Variants in SORL1-AS1 observed in about 807,000 individuals in gnomAD.
The protein encoded by SORL1-AS1 is lncRNA 51 A.
chr11:121,451,038 T>C (rs1374905047), intron 1 of SORL1-AS1, among the ~76,000 whole-genome samples: 1 of 152,084 alleles, frequency 6.6e-6, no homozygotes, highest in Admixed American at 6.6e-5. Flanking sequence ...TTGTCGGAGA[T>C]GAGGAATGTT....
Position 121,452,397 on chromosome 11 carries a change from G to A in SORL1-AS1, n.339+278C>T. On this transcript the variant is annotated intron_variant and non_coding_transcript_variant, in intron 1 of 1. Coordinates refer to ENST00000501964, the Ensembl canonical transcript of SORL1-AS1. This position sits in a 1 kb window ranked among gnomAD's most constrained non-coding sequence, Gnocchi z 5.3. ...TCCTATTCACCCTGGTCGCACTGCT[G>A]CCGCCCGGAGCTCTCTGCGAAGTCT... The A allele has an allele frequency of 1.3e-6, 2 of 1,535,202 alleles. No individual in the cohort carries two copies. Among genetic ancestry groups the A allele is most frequent in the East Asian group, 2.7e-5 (1 of 37,414 alleles).
chr11:121,452,523 G>C lies in SORL1-AS1; in HGVS notation n.339+152C>G. ...GCGAGCTGCGGCTGTGGGCGCGCGGGGATGCCAGGGGGGCGAGCCGCGCGG... is the reference window on the plus strand; with the variant it reads ...GCGAGCTGCGGCTGTGGGCGCGCGGCGATGCCAGGGGGGCGAGCCGCGCGG... On this transcript the variant is annotated intron_variant and non_coding_transcript_variant, in intron 1 of 1. Transcript: ENST00000501964. The surrounding 1 kb of genome is among the most constrained non-coding windows in gnomAD (Gnocchi z 5.3). 1 of 1,480,048 alleles carries C rather than the reference G, an allele frequency of 6.8e-7. No homozygotes were observed. The highest frequency in any genetic ancestry group is 1.3e-5 in the South Asian group (1 of 77,646). The allele number at this position is 1,480,048 out of a possible 1,614,324, so 91.7% of individuals were successfully genotyped here.
exon 2 of SORL1-AS1, chr11:121,447,727 C>A (rs1860742164): frequency 2.0e-5 from 3 of 152,184 alleles, no homozygotes; most frequent in South Asian, 4.1e-4. Context: ...GACTTGTGAG[C>A]TTTGTAACTG....
At chr11:121,444,072 ATGTGTGTGTGTGTGTGCGCGTGGG>A (rs1591536542), downstream of SORL1-AS1, among the ~76,000 whole-genome samples, 1 of 149,630 alleles carries the variant, frequency 6.7e-6, no homozygotes, top group East Asian at 1.9e-4. Context: ...TTGCTAAGAA[ATGTGTGTGTGTGTGTGCGCGTGGG>A]TGTGTGTGTG....
chr11:121,439,883 A>G, the SORL1-AS1 span, among the ~76,000 whole-genome samples: 9 of 152,366 alleles, frequency 5.9e-5, no homozygotes, highest in Non-Finnish European at 2.9e-5. Context: ...AATCAGTAAG[A>G]CAAGGGCTTT....
Position 121,452,481 on chromosome 11 carries a change from G to C in SORL1-AS1, n.339+194C>G. ...TGCCCCAGGACCGGGGCTTCCTCGT[G>C]GTGCAGGGCGACCCGCGCGAGCTGC... On this transcript the variant is annotated intron_variant and non_coding_transcript_variant, in intron 1 of 1. Transcript: ENST00000501964. This position sits in a 1 kb window ranked among gnomAD's most constrained non-coding sequence, Gnocchi z 5.3. 1 of 1,490,076 alleles carries C rather than the reference G, an allele frequency of 6.7e-7. No homozygotes were observed. The highest frequency in any genetic ancestry group is 8.9e-7 in the Non-Finnish European group (1 of 1,121,432). 92.3% of individuals were successfully genotyped at this position (1,490,076 alleles called of 1,614,324 possible). A position where few individuals can be genotyped will look rare whatever the true frequency, so the allele number is the denominator to read the frequency against.
chr11:121,439,949 A>T, the SORL1-AS1 span, among the ~76,000 whole-genome samples: 1 of 152,154 alleles, frequency 6.6e-6, no homozygotes, highest in Non-Finnish European at 1.5e-5. Flanking sequence ...GGAGGCCCCT[A>T]GTGGACCAGA....
intron 1 of SORL1-AS1, chr11:121,449,955 A>G (rs898651215): frequency 1.3e-5 from 2 of 152,230 alleles, no homozygotes; most frequent in African/African-American, 4.8e-5. Context: ...GCAAGGAGTT[A>G]ATTAACCATG....
the SORL1-AS1 span, among the ~76,000 whole-genome samples, chr11:121,441,644 T>G: frequency 6.6e-6 from 1 of 152,042 alleles, no homozygotes; most frequent in Non-Finnish European, 1.5e-5. Context: ...GTGATGTGTA[T>G]GCACTGGCTT....
chr11:121,440,130 T>C, the SORL1-AS1 span, among the ~76,000 whole-genome samples: 5 of 152,174 alleles, frequency 3.3e-5, no homozygotes, highest in African/African-American at 1.2e-4. Context: ...CTCAGCACTT[T>C]GGGAGGCCAA....
chr11:121,438,332 A>G, the SORL1-AS1 span, among the ~76,000 whole-genome samples: 25 of 152,344 alleles, frequency 1.6e-4, no homozygotes, highest in East Asian at 4.6e-3. Flanking sequence ...ATAATTACAT[A>G]TGGTAAAATG....
In SORL1-AS1 at chr11:121,450,879, G is replaced by A. The variant is rs891833891; in HGVS notation, n.340-980C>T. ...AGCAAGTCTGGCATGGGGTAGGGTA[G>A]GGTGGTTGAATACTGGCTTCAGGGA... On this transcript the variant is annotated intron_variant and non_coding_transcript_variant, in intron 1 of 1. Coordinates refer to ENST00000501964, the Ensembl canonical transcript of SORL1-AS1. The surrounding 1 kb of genome is among the most constrained non-coding windows in gnomAD (Gnocchi z 5.2). Among the ~76,000 whole-genome samples the A allele has an allele frequency of 6.6e-6, 1 of 152,108 alleles. No individual in the cohort carries two copies. The highest frequency in any genetic ancestry group is 1.5e-5 in the Non-Finnish European group (1 of 68,000).
Position 121,452,659 on chromosome 11 carries a change from C to G in SORL1-AS1, n.339+16G>C, listed in dbSNP as rs1281458176. ...CCGCCTCCCTCCAGTTTTTTCCTCT[C>G]CCTGCACTTCCTCACCCCCGCATCC... is the stretch of plus-strand genomic sequence containing the variant. On this transcript the variant is annotated intron_variant and non_coding_transcript_variant, in intron 1 of 1. Coordinates refer to ENST00000501964, the Ensembl canonical transcript of SORL1-AS1. The surrounding 1 kb of genome is among the most constrained non-coding windows in gnomAD (Gnocchi z 5.3). 1 of 1,396,398 alleles carries G rather than the reference C, an allele frequency of 7.2e-7. No homozygotes were observed. The allele number at this position is 1,396,398 out of a possible 1,614,324, so 86.5% of individuals were successfully genotyped here.
exon 2 of SORL1-AS1, chr11:121,449,715 A>G (rs1380248042): frequency 6.6e-6 from 1 of 152,250 alleles, no homozygotes; most frequent in Admixed American, 6.5e-5. Flanking sequence ...TACTCTCAGC[A>G]GTCCTGTGAG....
chr11:121,442,262 C>T, the SORL1-AS1 span, among the ~76,000 whole-genome samples: 3 of 152,122 alleles, frequency 2.0e-5, no homozygotes, highest in Admixed American at 1.3e-4. Flanking sequence ...ATTCCAGAGT[C>T]GCCATTCAGT....
At position 121,452,255 on chromosome 11, in the gene SORL1-AS1, G is replaced by A. The variant is rs1860808325; in HGVS notation, n.339+420C>T. 4.0e-6 allele frequency: 5 copies of A among 1,249,448 alleles called. No individual in the cohort carries two copies. In the South Asian group the frequency reaches 6.3e-5, roughly 16 times the overall value. 77.4% of individuals were successfully genotyped at this position (1,249,448 alleles called of 1,614,324 possible). A position where few individuals can be genotyped will look rare whatever the true frequency, so the allele number is the denominator to read the frequency against. On this transcript the variant is annotated intron_variant and non_coding_transcript_variant, in intron 1 of 1. Coordinates refer to ENST00000501964, the Ensembl canonical transcript of SORL1-AS1. The surrounding 1 kb of genome is among the most constrained non-coding windows in gnomAD (Gnocchi z 5.3). ...CCCGGGAGCGGCGCGCGCGGTCCCGGCCCAGCGGCTCTCCTGGCCTCGCGC... is the reference window on the plus strand; with the variant it reads ...CCCGGGAGCGGCGCGCGCGGTCCCGACCCAGCGGCTCTCCTGGCCTCGCGC...
At chr11:121,441,017 GA>G in the SORL1-AS1 span, among the ~76,000 whole-genome samples, 1 of 152,196 alleles carries the variant, frequency 6.6e-6, no homozygotes, top group African/African-American at 2.4e-5. Flanking sequence ...ACTGGTTGCA[GA>G]AGTAACTATT....
the SORL1-AS1 span, among the ~76,000 whole-genome samples, chr11:121,438,451 C>T: frequency 6.6e-6 from 1 of 152,238 alleles, no homozygotes; most frequent in Non-Finnish European, 1.5e-5. Flanking sequence ...GCCCACCCTC[C>T]CTCTACATTC....
chr11:121,452,774 A>C lies in SORL1-AS1; in HGVS notation n.240T>G. 2 of 565,856 alleles carry C rather than the reference A, an allele frequency of 3.5e-6. No individual in the cohort carries two copies. Among genetic ancestry groups the C allele is most frequent in the Non-Finnish European group, 5.7e-6 (2 of 351,164 alleles). 35.1% of individuals were successfully genotyped at this position (565,856 alleles called of 1,614,324 possible). ...TTCCTTCACGAGTACAACCGTCAGCACTTGAATCGCATTGATCTTTCCTTC... is the reference window on the plus strand; with the variant it reads ...TTCCTTCACGAGTACAACCGTCAGCCCTTGAATCGCATTGATCTTTCCTTC... On this transcript the variant is annotated non_coding_transcript_exon_variant, in exon 1 of 2. Transcript: ENST00000501964. This position sits in a 1 kb window ranked among gnomAD's most constrained non-coding sequence, Gnocchi z 5.3.
Sources: allele counts gnomAD v4.1 joint callset (sites outside exome capture counted in the v4.1 genomes callset), GRCh38; gene constraint gnomAD v4.1.1; non-coding constraint Gnocchi (gnomAD v3.1); transcripts MANE v1.5; gene names NCBI Gene and HGNC (gene_info 2026-07-23, HGNC 2026-07-21).